The following HTR1F variants were observed in gnomAD, a reference collection of about 807,000 sequenced individuals.
HTR1F encodes 5-hydroxytryptamine (serotonin) receptor 1F, G protein-coupled.
In HTR1F, 17 loss-of-function variants were observed where a neutral mutation model predicts 24.0. The ratio of observed to expected loss-of-function variants is 0.71; its 90% CI spans 0.48 to 1.06. The LOEUF is 1.06. Ranked by LOEUF, HTR1F falls within the 50% of genes least tolerant of loss-of-function variation. The pLI is 0.00. For missense variants in HTR1F, 391 were observed against 427.8 expected, an observed-to-expected ratio of 0.91 and a Z score of 0.76; for synonymous variants, 186 against 156.8, an observed-to-expected ratio of 1.19 and a Z score of -1.39.
At chr3:87,850,540 T>A (rs1023770942) in intron 2 of HTR1F, among the ~76,000 whole-genome samples, 46 of 151,668 alleles carry the variant, frequency 3.0e-4, no homozygotes, top group African/African-American at 1.1e-3. Context: ...CACACCAACA[T>A]AGCACATGTA....
intron 2 of HTR1F, among the ~76,000 whole-genome samples, chr3:87,918,521 C>A (rs1181384879): frequency 1.3e-5 from 2 of 151,996 alleles, no homozygotes; most frequent in African/African-American, 4.8e-5. Context: ...AAGAATTTAG[C>A]AAAGTTTCCA....
At chr3:87,967,486 A>C (rs930473633) in intron 2 of HTR1F, among the ~76,000 whole-genome samples, 3 of 151,602 alleles carry the variant, frequency 2.0e-5, no homozygotes, top group African/African-American at 7.3e-5. Flanking sequence ...TGGTACCTCA[A>C]GGAGTGATAC....
intron 2 of HTR1F, among the ~76,000 whole-genome samples, chr3:87,855,006 G>T (rs1229322151): frequency 6.6e-6 from 1 of 151,902 alleles, no homozygotes; most frequent in African/African-American, 2.4e-5. Context: ...TTTCCTAGTT[G>T]TGTGTTCTCT....
chr3:87,960,701 A>G (rs1705041249), intron 2 of HTR1F, among the ~76,000 whole-genome samples: 1 of 152,004 alleles, frequency 6.6e-6, no homozygotes, highest in African/African-American at 2.4e-5. Flanking sequence ...TGCACAACAA[A>G]GATTAGTTCC....
At chr3:87,917,085 G>GA (rs1294017522) in intron 2 of HTR1F, among the ~76,000 whole-genome samples, 1 of 151,908 alleles carries the variant, frequency 6.6e-6, no homozygotes, top group Non-Finnish European at 1.5e-5. Context: ...CAAATACATG[G>GA]AAATTAAATA....
At chr3:87,967,592 G>C (rs987679104) in intron 2 of HTR1F, among the ~76,000 whole-genome samples, 2 of 151,890 alleles carry the variant, frequency 1.3e-5, no homozygotes, top group Non-Finnish European at 2.9e-5. Context: ...ATCATGGGGG[G>C]GGGTGGGTAG....
intron 2 of HTR1F, among the ~76,000 whole-genome samples, chr3:87,886,607 A>C (rs1389866745): frequency 6.6e-6 from 1 of 152,200 alleles, no homozygotes; most frequent in Non-Finnish European, 1.5e-5. Flanking sequence ...GTCTCAGCCC[A>C]AAAACTCCTT....
rs186871252 is a variant in HTR1F at position 87,891,040 on chromosome 3, C to A, written c.-43+68916C>A. Among the ~76,000 whole-genome samples the A allele has an allele frequency of 1.1e-4, 16 of 152,076 alleles. No homozygotes were observed. The East Asian group carries it at 3.1e-3, about 29-fold the overall frequency. On this transcript the variant is annotated intron_variant, in intron 2 of 2. Coordinates refer to ENST00000319595, the MANE Select transcript of HTR1F (RefSeq NM_001322209.2). ...TATTTTTGTAGAAAGGGGGTTTCACCATGTTGGCCAGCCTGGTCTTGAACT... is the reference window on the plus strand; with the variant it reads ...TATTTTTGTAGAAAGGGGGTTTCACAATGTTGGCCAGCCTGGTCTTGAACT...
intron 2 of HTR1F, among the ~76,000 whole-genome samples, chr3:87,886,441 T>A (rs1032962465): frequency 1.2e-4 from 19 of 152,192 alleles, no homozygotes; most frequent in Non-Finnish European, 2.1e-4. Context: ...AAGACAGAGA[T>A]GCCCTCTCTC....
intron 2 of HTR1F, among the ~76,000 whole-genome samples, chr3:87,950,058 A>C (rs1418062356): frequency 1.3e-5 from 2 of 152,120 alleles, no homozygotes; most frequent in Admixed American, 1.3e-4. Flanking sequence ...GAGGAACCAA[A>C]CTTGAGGCAC....
chr3:87,941,266 T>A (rs1442322785), intron 2 of HTR1F, among the ~76,000 whole-genome samples: 1 of 152,214 alleles, frequency 6.6e-6, no homozygotes, highest in African/African-American at 2.4e-5. Context: ...TACCTGGGAA[T>A]CCATATTGGG....
intron 2 of HTR1F, among the ~76,000 whole-genome samples, chr3:87,847,391 A>G (rs1185850884): frequency 1.3e-5 from 2 of 151,812 alleles, no homozygotes; most frequent in African/African-American, 4.9e-5. Flanking sequence ...TTATATATCT[A>G]TATTTTCTAT....
chr3:87,901,970 A>G (rs1706333910), intron 2 of HTR1F, among the ~76,000 whole-genome samples: 1 of 152,154 alleles, frequency 6.6e-6, no homozygotes. Context: ...AACCATAGTT[A>G]GAAAGCCTCA....
At chr3:87,925,227 G>C (rs1559634053) in intron 2 of HTR1F, among the ~76,000 whole-genome samples, 4 of 152,106 alleles carry the variant, frequency 2.6e-5, no homozygotes, top group Admixed American at 1.3e-4. Context: ...AGACTCCCTG[G>C]TCAAGGGATT....
At chr3:87,852,308 G>A (rs1325633321) in intron 2 of HTR1F, among the ~76,000 whole-genome samples, 2 of 151,388 alleles carry the variant, frequency 1.3e-5, no homozygotes, top group African/African-American at 4.9e-5. Context: ...CTTTATATCT[G>A]TTTTATAGTT....
intron 2 of HTR1F, among the ~76,000 whole-genome samples, chr3:87,978,973 C>A (rs1238171978): frequency 5.7e-5 from 6 of 104,770 alleles, no homozygotes; most frequent in Non-Finnish European, 1.1e-4. Context: ...CCTAGTGCTA[C>A]ACCCTAATGG....
rs376009344 is a variant in HTR1F at position 87,843,607 on chromosome 3, C to A, written c.-43+21483C>A. ...GGTTAGTTACATATGTATACATGTG[C>A]CATGCTGGTGTGCTGCACCCATTAA... is the stretch of plus-strand genomic sequence containing the variant. On this transcript the variant is annotated intron_variant, in intron 2 of 2. Coordinates refer to ENST00000319595, the MANE Select transcript of HTR1F (RefSeq NM_001322209.2). Among the ~76,000 whole-genome samples, 3 of 150,554 alleles carry A rather than the reference C, an allele frequency of 2.0e-5. No individual in the cohort carries two copies. In the East Asian group the frequency reaches 5.8e-4, roughly 29 times the overall value.
chr3:87,930,478 G>A (rs1354467111), intron 2 of HTR1F, among the ~76,000 whole-genome samples: 6 of 152,178 alleles, frequency 3.9e-5, no homozygotes, highest in Non-Finnish European at 5.9e-5. Flanking sequence ...AGTCTATTGA[G>A]AGTTTTTAAT....
intron 2 of HTR1F, among the ~76,000 whole-genome samples, chr3:87,966,302 G>A (rs1503432): frequency 0.057 from 8,597 of 152,152 alleles, 740 homozygotes; most frequent in African/African-American, 0.19. Context: ...CATAACCTTG[G>A]GAGTAAGGAT....
Sources: allele counts gnomAD v4.1 joint callset (sites outside exome capture counted in the v4.1 genomes callset), GRCh38; gene constraint gnomAD v4.1.1; transcripts MANE v1.5; gene names NCBI Gene and HGNC (gene_info 2026-07-23, HGNC 2026-07-21).